TNKS: variants seen among roughly 807,000 people sequenced by gnomAD.
TNKS encodes poly [ADP-ribose] polymerase tankyrase-1.
TNKS carries 72 observed loss-of-function variants against 135.8 expected under a neutral mutation model. The observed-to-expected ratio is 0.53, with a 90% CI of 0.44 to 0.64. The LOEUF is 0.64. TNKS is among the 30% of genes least tolerant of loss of function. TNKS has a pLI of 0.00. For missense variants in TNKS, 1,769 were observed against 1,674.0 expected (o/e 1.06, Z -0.99); for synonymous variants, 849 against 649.3 (o/e 1.31, Z -4.68).
chr8:9,624,852 A>G (rs1383031727), intron 3 of TNKS, among the ~76,000 whole-genome samples: 1 of 152,192 alleles, frequency 6.6e-6, no homozygotes, highest in African/African-American at 2.4e-5. Flanking sequence ...ATCCTCCCGT[A>G]TACTTTAAAT....
intron 2 of TNKS, among the ~76,000 whole-genome samples, chr8:9,599,408 G>A (rs1798927604): frequency 6.6e-6 from 1 of 152,184 alleles, no homozygotes; most frequent in Non-Finnish European, 1.5e-5. Context: ...GTGTTAGGTA[G>A]TGTTTTATGA....
chr8:9,630,042 C>G (rs1406920982), intron 3 of TNKS, among the ~76,000 whole-genome samples: 1 of 152,146 alleles, frequency 6.6e-6, no homozygotes, highest in Non-Finnish European at 1.5e-5. Context: ...ATAAGCTCTT[C>G]CTGACCTCTC....
intron 3 of TNKS, among the ~76,000 whole-genome samples, chr8:9,645,796 A>C (rs1800897681): frequency 6.6e-6 from 1 of 152,116 alleles, no homozygotes; most frequent in Non-Finnish European, 1.5e-5. Context: ...ACTTACTTTG[A>C]TGATTTAAAC....
chr8:9,727,897 T>G (rs1805242063), intron 13 of TNKS, among the ~76,000 whole-genome samples: 1 of 152,200 alleles, frequency 6.6e-6, no homozygotes, highest in South Asian at 2.1e-4. Flanking sequence ...GAAATTTTTA[T>G]GTTGTCTTAA....
chr8:9,761,709 A>C, intron 21 of TNKS, 73 bp downstream of exon 21: 1 of 1,489,848 alleles, frequency 6.7e-7, no homozygotes, highest in Non-Finnish European at 9.0e-7. Flanking sequence ...TGATAATTGA[A>C]CTCAGGCAGT....
rs1362325657 is a variant in TNKS at position 9,778,140 on chromosome 8, T to G, written c.*1404T>G. 2.3e-5 allele frequency: 1 copy of G among 42,810 alleles called. No individual in the cohort carries two copies. The highest frequency in any genetic ancestry group is 1.7e-4 in the Admixed American group (1 of 6,008). 2.7% of individuals were successfully genotyped at this position (42,810 alleles called of 1,614,324 possible). A position where few individuals can be genotyped will look rare whatever the true frequency, so the allele number is the denominator to read the frequency against. On this transcript the variant is annotated 3_prime_UTR_variant, in exon 27 of 27. Transcript: ENST00000310430. ...CAACATTTACCAAGTGCCATTGACA[T>G]TTATAAAAAAAAATGATCCTTTATA...
chr8:9,717,896 A>G (rs1282175132), intron 11 of TNKS, among the ~76,000 whole-genome samples: 1 of 152,176 alleles, frequency 6.6e-6, no homozygotes, highest in Non-Finnish European at 1.5e-5. Context: ...AAGAAAATAG[A>G]ATTTCAGCTA....
intron 1 of TNKS, among the ~76,000 whole-genome samples, chr8:9,564,096 C>G (rs1009575938): frequency 6.6e-6 from 1 of 152,072 alleles, no homozygotes; most frequent in Non-Finnish European, 1.5e-5. Flanking sequence ...GTTTATATAA[C>G]CTATGAGACA....
At position 9,682,961 on chromosome 8, in the gene TNKS, A is replaced by C. The variant is rs1243052402; in HGVS notation, c.1107+2161A>C. 2.0e-5 allele frequency among the ~76,000 whole-genome samples: 3 copies of C among 152,006 alleles called. No individual in the cohort carries two copies. In the East Asian group the frequency reaches 5.8e-4, roughly 29 times the overall value. ...TATAAATAATGCAATAATGTTCCAAAATGTACTCATACTTTTTTAGATTAT... is the reference window on the plus strand; with the variant it reads ...TATAAATAATGCAATAATGTTCCAACATGTACTCATACTTTTTTAGATTAT... On this transcript the variant is annotated intron_variant, in intron 5 of 26. Transcript: ENST00000310430.
chr8:9,586,264 A>T (rs1453973603), intron 2 of TNKS, among the ~76,000 whole-genome samples: 2 of 152,176 alleles, frequency 1.3e-5, no homozygotes, highest in Non-Finnish European at 2.9e-5. Context: ...TTCTTAGGGG[A>T]AATTAAGCTG....
intron 26 of TNKS, among the ~76,000 whole-genome samples, chr8:9,773,429 A>G (rs1409938574): frequency 6.6e-6 from 1 of 152,178 alleles, no homozygotes; most frequent in African/African-American, 2.4e-5. Flanking sequence ...TATTTTAAAT[A>G]TACTGTAAGT....
intron 25 of TNKS, among the ~76,000 whole-genome samples, chr8:9,768,231 A>G (rs1807586400): frequency 3.3e-5 from 5 of 152,160 alleles, no homozygotes; most frequent in Admixed American, 3.3e-4. Flanking sequence ...AGCCCCAGGG[A>G]AGCAGGAATG....
intron 17 of TNKS, among the ~76,000 whole-genome samples, chr8:9,747,465 C>G (rs577935033): frequency 6.6e-6 from 1 of 152,124 alleles, no homozygotes; most frequent in South Asian, 2.1e-4. Flanking sequence ...TTCCTCCACC[C>G]GGCAATCATT....
Position 9,694,669 on chromosome 8 carries a change from G to C in TNKS, c.1108-9994G>C, listed in dbSNP as rs1464053399. On this transcript the variant is annotated intron_variant, in intron 5 of 26. Coordinates refer to ENST00000310430, the MANE Select transcript of TNKS (RefSeq NM_003747.3). ...CCCAGCTGCTTGGGAGGCTGAGGCAGGAGAATTGCTTGAACTTAGGAGGCG... is the reference window on the plus strand; with the variant it reads ...CCCAGCTGCTTGGGAGGCTGAGGCACGAGAATTGCTTGAACTTAGGAGGCG... Among the ~76,000 whole-genome samples, 6 of 151,846 alleles carry C rather than the reference G, an allele frequency of 4.0e-5. No homozygotes were observed. The East Asian group carries it at 1.2e-3, about 29-fold the overall frequency.
chr8:9,720,253 C>G (rs1176798646), intron 11 of TNKS, 121 bp from the exon 12 acceptor site: 15 of 940,798 alleles, frequency 1.6e-5, no homozygotes, highest in Non-Finnish European at 2.3e-5. Context: ...TAATCAATAT[C>G]TATGAGACTT....
intron 3 of TNKS, chr8:9,670,865 T>C (rs558024878): frequency 6.6e-6 from 1 of 152,362 alleles, no homozygotes; most frequent in Admixed American, 6.5e-5. Flanking sequence ...ATTGTAGAAT[T>C]TGTCCATAAT....
chr8:9,729,400 A>C (rs1318900555), intron 13 of TNKS, among the ~76,000 whole-genome samples: 2 of 152,176 alleles, frequency 1.3e-5, no homozygotes, highest in African/African-American at 4.8e-5. Context: ...AAATTAGTGA[A>C]TACCTGAAAA....
chr8:9,664,653 A>G (rs1002479393), intron 3 of TNKS, among the ~76,000 whole-genome samples: 1 of 152,260 alleles, frequency 6.6e-6, no homozygotes, highest in Admixed American at 6.5e-5. Flanking sequence ...GTACATATAC[A>G]GGTAATGTAC....
At chr8:9,575,060 T>G in intron 1 of TNKS, 1 of 985,326 alleles carries the variant, frequency 1.0e-6, no homozygotes, top group Non-Finnish European at 1.2e-6. Flanking sequence ...CTTGACAAAT[T>G]GTGTGAGACA....
Sources: gnomAD v4.1 joint callset for allele counts (sites outside exome capture counted in the v4.1 genomes callset) on GRCh38, gnomAD v4.1.1 for gene constraint, MANE v1.5 for transcripts, NCBI Gene and HGNC (gene_info 2026-07-23, HGNC 2026-07-21) for gene names.